DDX54: variants seen among roughly 807,000 people sequenced by gnomAD.
The protein encoded by DDX54 is ATP-dependent RNA helicase DDX54.
In DDX54, 67 loss-of-function variants were observed where a neutral mutation model predicts 105.5. That is an observed-to-expected ratio of 0.64 (90% CI 0.52 to 0.78). DDX54 has a LOEUF of 0.78. Among genes scored for constraint, DDX54 ranks in the 30% least tolerant of loss-of-function variants. DDX54 has a pLI of 0.00. For synonymous variants in DDX54, 514 were observed against 509.9 expected, an observed-to-expected ratio of 1.01 and a Z score of -0.11; for missense variants, 1,206 against 1,230.5, an observed-to-expected ratio of 0.98 and a Z score of 0.30.
In DDX54 at chr12:113,163,766, CCT is replaced by C. The variant is rs1186478061; in HGVS notation, c.1938+299_1938+300del. Among the ~76,000 whole-genome samples the C allele has an allele frequency of 1.3e-5, 2 of 151,348 alleles. No homozygotes were observed. The highest frequency in any genetic ancestry group is 3.0e-5 in the Non-Finnish European group (2 of 67,780). ...GTGAATGGGACACTTCATGGTCCTC[CCT>C]CTGAGTGGAGACCTACACGTCTCAC... On this transcript the variant is annotated intron_variant, in intron 15 of 19. Transcript: ENST00000306014. The surrounding 1 kb of genome is among the most constrained non-coding windows in gnomAD (Gnocchi z 5.9).
chr12:113,158,790 A>C lies in DDX54; in HGVS notation c.*87T>G. On this transcript the variant is annotated 3_prime_UTR_variant, in exon 20 of 20. Transcript: ENST00000306014. This position sits in a 1 kb window ranked among gnomAD's most constrained non-coding sequence, Gnocchi z 4.9. ...AGGGAGTGCCCCCAGTGCCCAGCAC[A>C]GGGCCAGGCACACAGTGGTGCACGG... is the stretch of plus-strand genomic sequence containing the variant. The C allele has an allele frequency of 1.4e-6, 2 of 1,392,698 alleles. No individual in the cohort carries two copies. The highest frequency in any genetic ancestry group is 2.9e-5 in the South Asian group (2 of 68,676). The allele number at this position is 1,392,698 out of a possible 1,614,324, so 86.3% of individuals were successfully genotyped here.
intron 17 of DDX54, among the ~76,000 whole-genome samples, chr12:113,162,405 C>T (rs1034685517): frequency 2.6e-5 from 4 of 152,186 alleles, no homozygotes; most frequent in African/African-American, 9.7e-5. Context: ...AAAGAATAGA[C>T]GGGGTCAAGA....
Position 113,170,007 on chromosome 12 carries a change from G to A in DDX54, c.1280-103C>T, listed in dbSNP as rs75852747. On this transcript the variant is annotated intron_variant, in intron 11 of 19. Coordinates refer to ENST00000306014, the MANE Select transcript of DDX54 (RefSeq NM_024072.4). The stretch of plus-strand genomic sequence containing the variant: ...GAGCAGGTGAGCCTGGCCAAGCCTC[G>A]AACCTCACACGGCTGCTGTCCCCAC... The A allele has an allele frequency of 4.6e-4, 692 of 1,490,222 alleles. 7 individuals are homozygous for A. In the African/African-American group the frequency reaches 7.3e-3, roughly 16 times the overall value. 92.3% of individuals were successfully genotyped at this position (1,490,222 alleles called of 1,614,324 possible).
At position 113,174,508 on chromosome 12, in the gene DDX54, A is replaced by G. The variant is rs114415900; in HGVS notation, c.1068+132T>C. 1,962 of 1,311,704 alleles carry G rather than the reference A, an allele frequency of 1.5e-3. 31 individuals carry two copies. In the African/African-American group the frequency reaches 0.023, roughly 15 times the overall value. 81.3% of individuals were successfully genotyped at this position (1,311,704 alleles called of 1,614,324 possible). On this transcript the variant is annotated intron_variant, in intron 10 of 19. Coordinates refer to ENST00000306014, the MANE Select transcript of DDX54 (RefSeq NM_024072.4). ...TCTCAAAAAAATAAAAAATAAAAAT[A>G]AAAATGACCATCTTGAGCCCAGGCC...
chr12:113,167,828 G>A, intron 12 of DDX54: 1 of 370,966 alleles, frequency 2.7e-6, no homozygotes, highest in Non-Finnish European at 5.4e-6. Context: ...CCAGGAGGCT[G>A]CAGATCTGTA....
chr12:113,176,717 G>A (rs2136323969), intron 7 of DDX54, 123 bp downstream of exon 7: 1 of 1,014,484 alleles, frequency 9.9e-7, no homozygotes, highest in Non-Finnish European at 1.5e-6. Flanking sequence ...CCACATCTGG[G>A]AAGACACTGC....
At chr12:113,161,419 T>C (rs1192256305) in intron 18 of DDX54, 37 bp from the exon 19 acceptor site, 3 of 1,550,806 alleles carry the variant, frequency 1.9e-6, no homozygotes, top group South Asian at 1.1e-5. Context: ...GTGAAGCCCC[T>C]GGGATGGGAG....
chr12:113,162,871 A>G (rs1341668193), intron 17 of DDX54, 61 bp downstream of exon 17: 3 of 1,471,362 alleles, frequency 2.0e-6, no homozygotes, highest in Admixed American at 4.2e-5. Flanking sequence ...CCAGGCACGG[A>G]GGAGCAGCTC....
intron 5 of DDX54, 36 bp downstream of exon 5, chr12:113,178,941 T>C (rs751058833): frequency 1.9e-6 from 3 of 1,612,320 alleles, no homozygotes; most frequent in Admixed American, 1.7e-5. Context: ...TGTGCCTGCA[T>C]GGTGGTGACC....
At chr12:113,167,764 G>C (rs879501278) in intron 12 of DDX54, among the ~76,000 whole-genome samples, 3 of 152,172 alleles carry the variant, frequency 2.0e-5, no homozygotes, top group Non-Finnish European at 2.9e-5. Context: ...CTGGACATTG[G>C]GGGAGGCTCC....
At chr12:113,171,120 C>T (rs1952332864) in intron 11 of DDX54, among the ~76,000 whole-genome samples, 1 of 152,182 alleles carries the variant, frequency 6.6e-6, no homozygotes, top group Non-Finnish European at 1.5e-5. Flanking sequence ...TAGGGACATG[C>T]AGAACCAGCT....
rs1162079285 is a variant in DDX54 at position 113,174,907 on chromosome 12, C to A, written c.904G>T (p.Asp302Tyr). 1 of 1,613,844 alleles carries A rather than the reference C, an allele frequency of 6.2e-7. No individual in the cohort carries two copies. The highest frequency in any genetic ancestry group is 2.2e-5 in the East Asian group (1 of 44,876). The change falls in exon 9 of 20, where the codon GAC (aspartate) becomes TAC (tyrosine). Residue 302 changes from aspartate to tyrosine, a missense_variant. By Grantham distance (160) the Asp-to-Tyr change is radical. Around this residue, in one of 3 missense-constraint regions of DDX54, gnomAD observed 961 missense variants for 1,019.1 expected, o/e 0.94. Transcript: ENST00000306014. Reference protein sequence around the residue: ...GLTEPVLIRLDVDTKLNEQLK... With the variant: ...GLTEPVLIRLYVDTKLNEQLK... Reference sequence around the variant, plus strand: ...TGCTCGTTGAGCTTGGTATCCACGTCAAGCCGGATGAGCACGGGCTCCGTG... The same window carrying A: ...TGCTCGTTGAGCTTGGTATCCACGTAAAGCCGGATGAGCACGGGCTCCGTG...
chr12:113,160,727 G>A (rs1460260284), intron 19 of DDX54, among the ~76,000 whole-genome samples: 3 of 152,178 alleles, frequency 2.0e-5, no homozygotes, highest in Non-Finnish European at 4.4e-5. Context: ...AACCAAAGCT[G>A]CTTCTGACTG....
chr12:113,179,439 G>A, intron 3 of DDX54, 108 bp from the exon 4 acceptor site: 8 of 1,257,308 alleles, frequency 6.4e-6, no homozygotes, highest in South Asian at 1.4e-5. Flanking sequence ...TCAGTGAATG[G>A]GCAGGCACCC....
Position 113,179,995 on chromosome 12 carries a change from G to A in DDX54, c.315C>T (p.Tyr105=). ...TCTTCATGATGCCTTTGAACACCGG[G>A]TAGCTCAGGCCTGGGAGAGACATGA... ...SGGFQSMGLS[Y]PVFKGIMKKG... Residue 105 remains tyrosine (Y), a synonymous_variant, in exon 3 of 20, where the codon TAC becomes TAT. Transcript: ENST00000306014. 1 of 1,614,088 alleles carries A rather than the reference G, an allele frequency of 6.2e-7. No individual in the cohort carries two copies. The highest frequency in any genetic ancestry group is 8.5e-7 in the Non-Finnish European group (1 of 1,180,004).
At position 113,172,417 on chromosome 12, in the gene DDX54, C is replaced by T. The variant is rs746090437; in HGVS notation, c.1215G>A (p.Pro405=). 1.7e-5 allele frequency: 27 copies of T among 1,614,098 alleles called. No individual in the cohort carries two copies. Among genetic ancestry groups the T allele is most frequent in the Admixed American group, 5.0e-5 (3 of 60,008 alleles). The change falls in exon 11 of 20, where the codon CCG becomes CCA. Residue 405 remains proline (P), a synonymous_variant. Coordinates refer to ENST00000306014, the MANE Select transcript of DDX54 (RefSeq NM_024072.4). The part of the protein sequence containing the change: ...TDLAARGLDI[P]LLDNVINYSF... ...TGTAGTTGATGACATTGTCCAGCAG[C>T]GGGATGTCCAGGCCTCGGGCGGCCA...
At position 113,157,599 on chromosome 12, in the gene DDX54, C is replaced by T. The variant is rs570675069; in HGVS notation, c.*1278G>A. On this transcript the variant is annotated 3_prime_UTR_variant, in exon 20 of 20. Transcript: ENST00000306014. ...GATGTGACTTCGTGCTGGGCCCCCC[C>T]AGGTGAAGCTGTTCATGCAGGACCT... is the stretch of plus-strand genomic sequence containing the variant. The T allele has an allele frequency of 2.2e-4, 338 of 1,551,638 alleles. 2 individuals are homozygous for T. The South Asian group carries it at 3.7e-3, about 17-fold the overall frequency.
rs987309600 is a variant in DDX54, at chr12:113,158,554, G to C, written c.*323C>G. The C allele has an allele frequency of 3.4e-6, 1 of 294,082 alleles. No individual in the cohort carries two copies. 18.2% of individuals were successfully genotyped at this position (294,082 alleles called of 1,614,324 possible). On this transcript the variant is annotated 3_prime_UTR_variant, in exon 20 of 20. Transcript: ENST00000306014. The surrounding 1 kb of genome is among the most constrained non-coding windows in gnomAD (Gnocchi z 4.9). ...ATTGCCAAACCCTGAGGCACTCAGG[G>C]CTCTGACCGGTGCAGCCATGACCTC... is the stretch of plus-strand genomic sequence containing the variant.
rs558503951 is a variant in DDX54, at chr12:113,175,114, C to T, written c.796G>A (p.Ala266Thr). Residue 266 changes from alanine (A) to threonine (T), a missense_variant, in exon 8 of 20, where the codon GCC becomes ACC. Coordinates refer to ENST00000306014, the MANE Select transcript of DDX54 (RefSeq NM_024072.4). ...GTCTGGTGGCCCCCGGGGAGGCGGG[C>T]GATGATCTCCTGCAGCTGCTCTGCG... ...GFAEQLQEII[A>T]RLPGGHQTVL... is the part of the protein sequence containing the mutation. 3.3e-5 allele frequency: 53 copies of T among 1,613,434 alleles called. 1 individual carries two copies. The highest frequency in any genetic ancestry group is 3.0e-4 in the South Asian group (27 of 91,028).
Sources: gnomAD v4.1 joint callset for allele counts (sites outside exome capture counted in the v4.1 genomes callset) on GRCh38, gnomAD v4.1.1 for gene constraint, gnomAD v4.1.1 regional missense constraint, Gnocchi (gnomAD v3.1) non-coding constraint, MANE v1.5 for transcripts, NCBI Gene and HGNC (gene_info 2026-07-23, HGNC 2026-07-21) for gene names.